The following NLGN3 variants were observed in gnomAD, a reference collection of about 807,000 sequenced individuals.
NLGN3 encodes the protein neuroligin 3, also known as neuroligin-3.
Under a neutral mutation model 42.9 loss-of-function variants are expected in NLGN3, and 11 were observed. The ratio of observed to expected loss-of-function variants is 0.26; its 90% CI spans 0.16 to 0.42. NLGN3 has a LOEUF of 0.42. Among genes scored for constraint, NLGN3 ranks in the 10% least tolerant of loss-of-function variants. The probability of loss-of-function intolerance (pLI) is 1.00; values close to 1 mark genes in which losing one functional copy is unlikely to be tolerated. For missense variants in NLGN3, 374 were observed against 733.8 expected (o/e 0.51, Z 5.67); for synonymous variants, 279 against 312.7 (o/e 0.89, Z 1.14).
downstream of NLGN3, among the ~76,000 whole-genome samples, chrX:71,173,058 CA>C (rs746919703): frequency 9.1e-5 from 10 of 109,435 alleles, no homozygotes; most frequent in East Asian, 1.2e-3. Flanking sequence ...GCAATCCTCC[CA>C]CCTCGGCCTC....
rs189859455 is a variant in NLGN3 at position 71,156,679 on chromosome X, C to T, written c.727+1316C>T. ...ACACACACCTCTACCCAGGCCCAAC[C>T]GCATCCCCCAAGTCTCCCCACACTT... On this transcript the variant is annotated intron_variant, in intron 5 of 7. Coordinates refer to ENST00000358741, the MANE Select transcript of NLGN3 (RefSeq NM_181303.2). Among the ~76,000 whole-genome samples, 586 of 110,465 alleles carry T rather than the reference C, an allele frequency of 5.3e-3. 1 individual carries two copies. Among genetic ancestry groups the T allele is most frequent in the Non-Finnish European group, 8.9e-3 (469 of 52,781 alleles).
intron 5 of NLGN3, among the ~76,000 whole-genome samples, chrX:71,163,743 C>A (rs2092437804): frequency 8.9e-6 from 1 of 111,991 alleles, no homozygotes; most frequent in African/African-American, 3.2e-5. Flanking sequence ...TGTGATAGAG[C>A]CAGGATTCAA....
rs367681235 is a variant in NLGN3, at chrX:71,155,351, G to A, written c.715G>A (p.Val239Ile). 7 of 1,212,346 alleles carry A rather than the reference G, an allele frequency of 5.8e-6. No individual in the cohort carries two copies. Among genetic ancestry groups the A allele is most frequent in the Non-Finnish European group, 7.8e-6 (7 of 895,590 alleles). The change falls in exon 5 of 8, where the codon GTT (valine) becomes ATT (isoleucine). Residue 239 changes from valine (V) to isoleucine (I), a missense_variant. Around this residue, in one of 6 missense-constraint regions of NLGN3, gnomAD observed 28 missense variants for 48.2 expected, o/e 0.58. Transcript: ENST00000358741. Reference protein sequence around the residue: ...NVIVITLNYRVGVLGFLSTGD... With the variant: ...NVIVITLNYRIGVLGFLSTGD... ...CATCGTCATCACCCTCAACTATCGG[G>A]TTGGAGTGCTAGGTATGGTTCCCTG...
At chrX:71,152,432 G>A (rs1213389141) in intron 3 of NLGN3, among the ~76,000 whole-genome samples, 1 of 109,911 alleles carries the variant, frequency 9.1e-6, no homozygotes, top group African/African-American at 3.3e-5. Context: ...ACCCCAGAAA[G>A]GTGGCATGAT....
At chrX:71,146,172 G>GACAC (rs1168453634) in intron 1 of NLGN3, among the ~76,000 whole-genome samples, 2,549 of 38,013 alleles carry the variant, frequency 0.067, 137 homozygotes, top group East Asian at 0.099. Context: ...CACACACACA[G>GACAC]ACACACACAC....
In NLGN3 at chrX:71,169,240, A is replaced by G. The variant is rs376395324; in HGVS notation, c.1704-14A>G. 1 of 1,210,589 alleles carries G rather than the reference A, an allele frequency of 8.3e-7. No individual in the cohort carries two copies. The highest frequency in any genetic ancestry group is 3.0e-5 in the East Asian group (1 of 33,814). The stretch of plus-strand genomic sequence containing the variant: ...GATAGAGTGGTGACCCCAGATTTCC[A>G]TGTGGTATTTCAGGGATCCCAACAA... On this transcript the variant is annotated splice_polypyrimidine_tract_variant and intron_variant, in intron 7 of 7. Transcript: ENST00000358741.
intron 1 of NLGN3, among the ~76,000 whole-genome samples, chrX:71,145,973 C>T (rs1372592542): frequency 1.0e-5 from 1 of 96,952 alleles, no homozygotes; most frequent in Non-Finnish European, 2.1e-5. Context: ...ACTCCTACCC[C>T]TTCCTTCCCC....
chrX:71,173,082 T>C (rs1035540536), downstream of NLGN3, among the ~76,000 whole-genome samples: 17 of 110,265 alleles, frequency 1.5e-4, no homozygotes, highest in Non-Finnish European at 2.8e-4. Context: ...AATTGACCTT[T>C]TGAGGTCAAT....
intron 3 of NLGN3, among the ~76,000 whole-genome samples, chrX:71,152,198 C>T (rs936868292): frequency 3.6e-4 from 40 of 111,122 alleles, no homozygotes; most frequent in African/African-American, 1.3e-3. Flanking sequence ...CACTGACCAG[C>T]ATCCAGACAG....
chrX:71,173,064 G>A (rs1335160042), downstream of NLGN3, among the ~76,000 whole-genome samples: 3 of 108,901 alleles, frequency 2.8e-5, no homozygotes, highest in African/African-American at 6.7e-5. Context: ...CTCCCACCTC[G>A]GCCTCCCAAT....
chrX:71,168,820 A>AG lies in NLGN3; in HGVS notation c.1704-434_1704-433insG, dbSNP rs1569485650. ...AGAGAGAAAGAAAGAAAGAGAAAAA[A>AG]AAAAGAAAGAAAGAAAGAAAGAAAG... On this transcript the variant is annotated intron_variant, in intron 7 of 7. Transcript: ENST00000358741. Among the ~76,000 whole-genome samples the AG allele has an allele frequency of 9.2e-4, 68 of 73,825 alleles. 1 individual carries two copies. Among genetic ancestry groups the AG allele is most frequent in the South Asian group, 1.4e-3 (2 of 1,428 alleles). 64.1% of individuals were successfully genotyped at this position (73,825 alleles called of 115,157 possible).
At position 71,170,178 on chromosome X, in the gene NLGN3, C is replaced by T. The variant is rs1472763622; in HGVS notation, c.*81C>T. The T allele has an allele frequency of 3.0e-4, 359 of 1,184,379 alleles. No individual in the cohort carries two copies. Among genetic ancestry groups the T allele is most frequent in the Non-Finnish European group, 3.8e-4 (335 of 886,535 alleles). The stretch of plus-strand genomic sequence containing the variant: ...ACATGCACACACACACACACACACA[C>T]GCAGACACACACACACACACACATA... On this transcript the variant is annotated 3_prime_UTR_variant, in exon 8 of 8. Coordinates refer to ENST00000358741, the MANE Select transcript of NLGN3 (RefSeq NM_181303.2).
chrX:71,167,920 T>G (rs1435120653), intron 7 of NLGN3, 120 bp downstream of exon 7: 1 of 641,943 alleles, frequency 1.6e-6, no homozygotes, highest in Non-Finnish European at 2.5e-6. Flanking sequence ...TCTTGCTTGG[T>G]ACCCCTTCAC....
At chrX:71,153,242 G>A (rs2092397079) in intron 3 of NLGN3, among the ~76,000 whole-genome samples, 2 of 112,572 alleles carry the variant, frequency 1.8e-5, no homozygotes, top group African/African-American at 6.4e-5. Context: ...ACAAGGAGGC[G>A]GGGCAAGGCG....
intron 1 of NLGN3, among the ~76,000 whole-genome samples, chrX:71,146,198 C>G (rs973909668): frequency 1.0e-5 from 1 of 98,906 alleles, no homozygotes; most frequent in Non-Finnish European, 2.1e-5. Context: ...CACACACACA[C>G]ACACACACAC....
In NLGN3 at chrX:71,169,838, T is replaced by C. The variant is rs867541615; in HGVS notation, c.2288T>C (p.Leu763Pro). The C allele has an allele frequency of 8.3e-7, 1 of 1,203,191 alleles. No homozygotes were observed. The change falls in exon 8 of 8, where the codon CTG (leucine) becomes CCG (proline). Residue 763 changes from leucine to proline, a missense_variant. This residue lies in a region of NLGN3 where 92 missense variants were observed against 108.0 expected (regional missense o/e 0.85). Coordinates refer to ENST00000358741, the MANE Select transcript of NLGN3 (RefSeq NM_181303.2). ...TTGGGAGCTGCTCCAGAGGAGGAGC[T>C]GGCAGCATTACAACTGGGCCCCACC... ...PELGAAPEEELAALQLGPTHH... is the reference protein window; with the variant it reads ...PELGAAPEEEPAALQLGPTHH...
At position 71,148,067 on chromosome X, in the gene NLGN3, C is replaced by T; in HGVS notation, c.318C>T (p.Cys106=). 3 of 1,208,750 alleles carry T rather than the reference C, an allele frequency of 2.5e-6. No individual in the cohort carries two copies. The highest frequency in any genetic ancestry group is 1.8e-5 in the South Asian group (1 of 56,903). The change falls in exon 2 of 8, where the codon TGC becomes TGT. Residue 106 remains cysteine, a synonymous_variant. Coordinates refer to ENST00000358741, the MANE Select transcript of NLGN3 (RefSeq NM_181303.2). Reference sequence around the variant, plus strand: ...ACGCCACACACTTTCCCCCAGTGTGCCCCCAGAACATCCACACAGCTGTGC... The same window carrying T: ...ACGCCACACACTTTCCCCCAGTGTGTCCCCAGAACATCCACACAGCTGTGC... ...IRNATHFPPV[C]PQNIHTAVPE...
intron 7 of NLGN3, among the ~76,000 whole-genome samples, chrX:71,168,779 GAAGA>G (rs199672430): frequency 3.0e-3 from 162 of 54,127 alleles, no homozygotes; most frequent in Middle Eastern, 0.021. Flanking sequence ...AAGAAAAAGG[GAAGA>G]AAGAAAGAAA....
chrX:71,155,508 T>C lies in NLGN3; in HGVS notation c.727+145T>C. 4.0e-6 allele frequency: 3 copies of C among 752,815 alleles called. No homozygotes were observed. The South Asian group carries it at 6.8e-5, about 17-fold the overall frequency. 62.0% of individuals were successfully genotyped at this position (752,815 alleles called of 1,213,427 possible). A position where few individuals can be genotyped will look rare whatever the true frequency, so the allele number is the denominator to read the frequency against. On this transcript the variant is annotated intron_variant, in intron 5 of 7. Coordinates refer to ENST00000358741, the MANE Select transcript of NLGN3 (RefSeq NM_181303.2). ...CAAAATGGTGTTATCCTCTGGCCCC[T>C]ACCCAAATGCTAGGGGCTTCCCCAT...
Sources: allele counts gnomAD v4.1 joint callset (sites outside exome capture counted in the v4.1 genomes callset), GRCh38; gene constraint gnomAD v4.1.1; regional missense constraint gnomAD v4.1.1; transcripts MANE v1.5; gene names NCBI Gene and HGNC (gene_info 2026-07-23, HGNC 2026-07-21).